Variants in IL3RA observed in about 807,000 individuals in gnomAD.
The protein encoded by IL3RA is interleukin 3 receptor subunit alpha.
A neutral mutation model predicts 52.3 loss-of-function variants in IL3RA; 73 were observed. The observed-to-expected ratio is 1.40, with a 90% confidence interval of 1.16 to 1.70. The LOEUF is 1.70. Among genes scored for constraint, IL3RA ranks in the 40% most tolerant of loss-of-function variants. IL3RA has a pLI of 0.00. For synonymous variants in IL3RA, 260 were observed against 194.0 expected, an observed-to-expected ratio of 1.34 and a Z score of -2.83; for missense variants, 664 against 504.4, an observed-to-expected ratio of 1.32 and a Z score of -3.03.
chrX:1,347,969 A>C (rs1285932316), intron 3 of IL3RA, among the ~76,000 whole-genome samples: 1 of 147,952 alleles, frequency 6.8e-6, no homozygotes, highest in African/African-American at 2.5e-5. Context: ...CCCGGGAGGG[A>C]GAGGCTACAG....
chrX:1,352,846 TGGGTTC>T (rs2086181425), intron 6 of IL3RA, among the ~76,000 whole-genome samples: 1 of 151,320 alleles, frequency 6.6e-6, no homozygotes, highest in African/African-American at 2.4e-5. Context: ...CCCCCCATCA[TGGGTTC>T]CATCATGGGT....
intron 8 of IL3RA, among the ~76,000 whole-genome samples, chrX:1,362,474 C>G (rs1233764148): frequency 6.6e-6 from 1 of 151,630 alleles, no homozygotes; most frequent in Non-Finnish European, 1.5e-5. Flanking sequence ...CTATCTGTCT[C>G]TCTCTGTCCA....
In IL3RA at chrX:1,362,511, T is replaced by C. The variant is rs1294365180; in HGVS notation, c.760-2627T>C. On this transcript the variant is annotated intron_variant, in intron 8 of 11. Coordinates refer to ENST00000331035, the MANE Select transcript of IL3RA (RefSeq NM_002183.4). Reference sequence around the variant, plus strand: ...CACCCACTATCTCTGTCTATGTCTGTTTTTCTGTCTCTGTTTTTCTCTCTC... The same window carrying C: ...CACCCACTATCTCTGTCTATGTCTGCTTTTCTGTCTCTGTTTTTCTCTCTC... Among the ~76,000 whole-genome samples the C allele has an allele frequency of 1.3e-4, 19 of 151,892 alleles. 1 individual carries two copies. Among genetic ancestry groups the C allele is most frequent in the Non-Finnish European group, 2.5e-4 (17 of 67,954 alleles).
intron 8 of IL3RA, among the ~76,000 whole-genome samples, chrX:1,362,357 G>T (rs1193871005): frequency 2.1e-5 from 3 of 142,356 alleles, no homozygotes; most frequent in Non-Finnish European, 4.5e-5. Context: ...GTCTCTCTCT[G>T]TCCATCACCT....
intron 8 of IL3RA, among the ~76,000 whole-genome samples, chrX:1,359,125 G>A (rs1216225472): frequency 3.9e-5 from 6 of 152,118 alleles, no homozygotes; most frequent in Middle Eastern, 3.4e-3. Context: ...ATTGAGGGAT[G>A]GGAAAAGGAA....
At chrX:1,380,416 A>AGGAGG in intron 10 of IL3RA, among the ~76,000 whole-genome samples, 1 of 28,586 alleles carries the variant, frequency 3.5e-5, no homozygotes, top group East Asian at 9.1e-4. Flanking sequence ...GGGAAGGGGG[A>AGGAGG]AAAGGGGAGG....
At position 1,356,213 on chromosome X, in the gene IL3RA, G is replaced by C; in HGVS notation, c.617-8G>C. 6.5e-7 allele frequency: 1 copy of C among 1,532,840 alleles called. No individual in the cohort carries two copies. Among genetic ancestry groups the C allele is most frequent in the Non-Finnish European group, 9.0e-7 (1 of 1,116,484 alleles). The allele number at this position is 1,532,840 out of a possible 1,614,324, so 95.0% of individuals were successfully genotyped here. ...CCTAAATCCTAAAAGTGTTTTTCTC[G>C]TTGCTAGAGATATTAACTCCACCCA... On this transcript the variant is annotated splice_region_variant and splice_polypyrimidine_tract_variant and intron_variant, in intron 6 of 11. Transcript: ENST00000331035.
chrX:1,377,105 C>CAG (rs34889366), intron 9 of IL3RA, among the ~76,000 whole-genome samples: 74,043 of 141,020 alleles, frequency 0.53, 19,429 homozygotes, highest in African/African-American at 0.67. Context: ...CTGTGGGACA[C>CAG]GGAGAAGACG....
chrX:1,362,136 C>CTGTT (rs1320356029), intron 8 of IL3RA, among the ~76,000 whole-genome samples: 1 of 135,878 alleles, frequency 7.4e-6, no homozygotes, highest in Non-Finnish European at 1.6e-5. Flanking sequence ...CTATGTCTCT[C>CTGTT]TGTTTCTGTT....
Position 1,382,398 on chromosome X carries a change from G to C in IL3RA, c.1070G>C (p.Trp357Ser), listed in dbSNP as rs771115440. ...CTCCTCTCGTCTCTGCAGGTGGTCT[G>C]GGAGGCGGGCAAAGCCGGCCTGGAG... Reference protein sequence around the residue: ...DSFQNDKLVVWEAGKAGLEEC... With the variant: ...DSFQNDKLVVSEAGKAGLEEC... Residue 357 changes from tryptophan (W) to serine (S), a missense_variant, in exon 12 of 12, where the codon TGG becomes TCG. By Grantham distance (177) the Trp-to-Ser change is radical (BLOSUM62 -3). Transcript: ENST00000331035. The C allele has an allele frequency of 3.7e-6, 6 of 1,613,614 alleles. No individual in the cohort carries two copies. The highest frequency in any genetic ancestry group is 2.7e-5 in the African/African-American group (2 of 74,946).
chrX:1,356,222 G>A lies in IL3RA; in HGVS notation c.618G>A (p.Glu206=). The change falls in exon 7 of 12, where the codon GAG becomes GAA. Residue 206 remains glutamate (E), a splice_region_variant and synonymous_variant. Coordinates refer to ENST00000331035, the MANE Select transcript of IL3RA (RefSeq NM_002183.4). ...TAAAAGTGTTTTTCTCGTTGCTAGA[G>A]ATATTAACTCCACCCAACATGACTG... ...TDKFVVFSQI[E]ILTPPNMTAK... 1.9e-6 allele frequency: 3 copies of A among 1,582,218 alleles called. No individual in the cohort carries two copies. Among genetic ancestry groups the A allele is most frequent in the South Asian group, 1.1e-5 (1 of 89,810 alleles).
At chrX:1,337,999 C>T (rs6607440) in intron 1 of IL3RA, among the ~76,000 whole-genome samples, 52,636 of 133,868 alleles carry the variant, frequency 0.39, 11,147 homozygotes, top group African/African-American at 0.48. Flanking sequence ...CCCTCGTACC[C>T]ATCTATAGAT....
At chrX:1,344,928 T>A (rs188337249) in intron 2 of IL3RA, among the ~76,000 whole-genome samples, 3 of 148,874 alleles carry the variant, frequency 2.0e-5, no homozygotes, top group Non-Finnish European at 1.5e-5. Context: ...TTTGGGAGGC[T>A]GAGGCGGACG....
chrX:1,374,067 T>A (rs2088636057), intron 9 of IL3RA, among the ~76,000 whole-genome samples: 1 of 43,292 alleles, frequency 2.3e-5, no homozygotes. Flanking sequence ...GACGACCCTG[T>A]GGGACACAGG....
chrX:1,362,736 C>T (rs1362027803), intron 8 of IL3RA, among the ~76,000 whole-genome samples: 1 of 152,082 alleles, frequency 6.6e-6, no homozygotes, highest in African/African-American at 2.4e-5. Context: ...CCTCCGTCTC[C>T]ACATGGCCTT....
intron 6 of IL3RA, among the ~76,000 whole-genome samples, chrX:1,354,588 GAA>G (rs2086480447): frequency 1.8e-5 from 2 of 111,762 alleles, no homozygotes; most frequent in African/African-American, 7.0e-5. Context: ...AGAAAACGGA[GAA>G]AGAGGAGGGG....
At position 1,345,334 on chromosome X, in the gene IL3RA, C is replaced by T. The variant is rs752582158; in HGVS notation, c.83C>T (p.Thr28Met). The change falls in exon 3 of 12, where the codon ACG becomes ATG. Residue 28 changes from threonine to methionine, a missense_variant. By Grantham distance (81) the Thr-to-Met change is moderately conservative. Transcript: ENST00000331035. The stretch of plus-strand genomic sequence containing the variant: ...GTTTTAGATCCAAACCCACCAATCA[C>T]GAACCTAAGGATGAAAGCAAAGGCT... ...QTKEDPNPPITNLRMKAKAQQ... is the reference protein window; with the variant it reads ...QTKEDPNPPIMNLRMKAKAQQ... 10 of 1,609,860 alleles carry T rather than the reference C, an allele frequency of 6.2e-6. No individual in the cohort carries two copies. The highest frequency in any genetic ancestry group is 2.2e-5 in the East Asian group (1 of 44,846).
intron 9 of IL3RA, among the ~76,000 whole-genome samples, chrX:1,377,847 A>G (rs1214855943): frequency 1.3e-5 from 2 of 148,842 alleles, no homozygotes; most frequent in Non-Finnish European, 3.0e-5. Context: ...ATAGCACCAC[A>G]GCACTGCAGA....
rs754580891 is a variant in IL3RA at position 1,377,667 on chromosome X, G to GT, written c.875-977dup. 4.3e-3 allele frequency among the ~76,000 whole-genome samples: 587 copies of GT among 135,868 alleles called. 6 individuals carry two copies. The highest frequency in any genetic ancestry group is 0.029 in the South Asian group (121 of 4,214). The allele number at this position is 135,868 out of a possible 152,430, so 89.1% of individuals were successfully genotyped here. On this transcript the variant is annotated intron_variant, in intron 9 of 11. Coordinates refer to ENST00000331035, the MANE Select transcript of IL3RA (RefSeq NM_002183.4). ...TCTGGGGGTGAGGTCATAGATGTATGTTTTTTTTTTTTTTTGGAGAGAGAG... is the reference window on the plus strand; with the variant it reads ...TCTGGGGGTGAGGTCATAGATGTATGTTTTTTTTTTTTTTTTGGAGAGAGAG...
Sources: gnomAD v4.1 joint callset for allele counts (sites outside exome capture counted in the v4.1 genomes callset) on GRCh38, gnomAD v4.1.1 for gene constraint, MANE v1.5 for transcripts, NCBI Gene and HGNC (gene_info 2026-07-23, HGNC 2026-07-21) for gene names.